The following GADL1 variants were observed in gnomAD, a reference collection of about 807,000 sequenced individuals.
GADL1 encodes the protein GAD like acidic amino acid decarboxylase 1, also known as acidic amino acid decarboxylase GADL1.
GADL1 carries 71 observed loss-of-function variants against 69.5 expected under a neutral mutation model. The ratio of observed to expected loss-of-function variants is 1.02; its 90% confidence interval spans 0.84 to 1.25. The LOEUF is 1.25. Among genes scored for constraint, GADL1 ranks in the 50% most tolerant of loss-of-function variants. GADL1 has a pLI of 0.00. For synonymous variants in GADL1, 254 were observed against 214.4 expected, an observed-to-expected ratio of 1.18 and a Z score of -1.62; for missense variants, 737 against 631.8, an observed-to-expected ratio of 1.17 and a Z score of -1.79.
chr3:30,780,155 T>G (rs1246672664), intron 13 of GADL1, among the ~76,000 whole-genome samples: 1 of 152,220 alleles, frequency 6.6e-6, no homozygotes, highest in Non-Finnish European at 1.5e-5. Context: ...AGATGCCAGC[T>G]AGGCACCTTG....
At chr3:30,760,269 A>AT (rs375215054) in intron 14 of GADL1, among the ~76,000 whole-genome samples, 19 of 152,284 alleles carry the variant, frequency 1.2e-4, no homozygotes, top group African/African-American at 4.3e-4. Flanking sequence ...CATATTACTC[A>AT]TACCCCAGTT....
intron 1 of GADL1, among the ~76,000 whole-genome samples, chr3:30,889,695 T>C (rs948387363): frequency 2.6e-5 from 4 of 152,172 alleles, no homozygotes; most frequent in African/African-American, 9.7e-5. Context: ...AATTTTGGAA[T>C]GCTGAGAGGT....
intron 14 of GADL1, among the ~76,000 whole-genome samples, chr3:30,753,266 T>C (rs1302940313): frequency 6.6e-6 from 1 of 152,178 alleles, no homozygotes; most frequent in African/African-American, 2.4e-5. Context: ...TTACATGATC[T>C]ATACACAATA....
intron 1 of GADL1, among the ~76,000 whole-genome samples, chr3:30,887,767 AAAAG>A (rs1698729153): frequency 6.6e-6 from 1 of 152,322 alleles, no homozygotes; most frequent in African/African-American, 2.4e-5. Context: ...TTAAGAATAG[AAAAG>A]AAAGAGAGAA....
chr3:30,786,504 TA>T (rs1559499567), intron 12 of GADL1, 98 bp from the exon 13 acceptor site: 2 of 706,600 alleles, frequency 2.8e-6, no homozygotes, highest in Non-Finnish European at 5.1e-6. Flanking sequence ...GGCTTGGAGA[TA>T]AGAAAGATAC....
intron 3 of GADL1, 60 bp from the exon 4 acceptor site, chr3:30,854,849 A>G (rs1698203463): frequency 3.7e-6 from 3 of 803,238 alleles, no homozygotes; most frequent in Middle Eastern, 4.6e-4. Context: ...CTACTGATAC[A>G]GCATTAACAT....
chr3:30,756,947 G>A (rs1327217899), intron 14 of GADL1, among the ~76,000 whole-genome samples: 1 of 152,144 alleles, frequency 6.6e-6, no homozygotes, highest in African/African-American at 2.4e-5. Context: ...AGAGTCCATG[G>A]GGGGGACATG....
chr3:30,746,288 C>T (rs907012230), intron 14 of GADL1, among the ~76,000 whole-genome samples: 2 of 152,164 alleles, frequency 1.3e-5, no homozygotes, highest in Non-Finnish European at 2.9e-5. Flanking sequence ...CCACTGCACC[C>T]AGCCTCCATT....
chr3:30,768,328 TTA>T (rs1428455297), intron 14 of GADL1, among the ~76,000 whole-genome samples: 6 of 152,062 alleles, frequency 3.9e-5, no homozygotes, highest in African/African-American at 1.2e-4. Flanking sequence ...GTTTTATAAA[TTA>T]TGAGAAGGGA....
intron 14 of GADL1, among the ~76,000 whole-genome samples, chr3:30,773,118 C>T (rs1696454379): frequency 6.6e-6 from 1 of 151,954 alleles, no homozygotes; most frequent in Non-Finnish European, 1.5e-5. Context: ...TAATCATGAT[C>T]CTTAGAGTGG....
At chr3:30,813,787 C>G (rs542058374) in intron 11 of GADL1, among the ~76,000 whole-genome samples, 1 of 152,230 alleles carries the variant, frequency 6.6e-6, no homozygotes, top group Non-Finnish European at 1.5e-5. Flanking sequence ...TTACTATAAT[C>G]ATGAGCAGTC....
At chr3:30,761,774 T>C (rs188782599) in intron 14 of GADL1, among the ~76,000 whole-genome samples, 92 of 152,296 alleles carry the variant, frequency 6.0e-4, no homozygotes, top group Non-Finnish European at 1.1e-3. Context: ...TTTTTCTACC[T>C]TATCACTAGA....
At position 30,871,042 on chromosome 3, in the gene GADL1, AGTGT is replaced by A. The variant is rs4016178; in HGVS notation, c.38-9281_38-9278del. 8.7e-3 allele frequency among the ~76,000 whole-genome samples: 1,234 copies of A among 141,450 alleles called. 13 individuals carry two copies. Among genetic ancestry groups the A allele is most frequent in the African/African-American group, 0.012 (441 of 37,900 alleles). 92.8% of individuals were successfully genotyped at this position (141,450 alleles called of 152,430 possible). A position where few individuals can be genotyped will look rare whatever the true frequency, so the allele number is the denominator to read the frequency against. The stretch of plus-strand genomic sequence containing the variant: ...AAAGCAACATGGACTAAGGCAGAAA[AGTGT>A]GTGTGTGTGTGTGTGTGTGTGTGTG... On this transcript the variant is annotated intron_variant, in intron 1 of 14. Transcript: ENST00000282538.
At chr3:30,852,417 C>T (rs1698161946) in intron 4 of GADL1, among the ~76,000 whole-genome samples, 2 of 152,176 alleles carry the variant, frequency 1.3e-5, no homozygotes, top group East Asian at 1.9e-4. Flanking sequence ...GAGACTGAGG[C>T]AGAGAATTAC....
chr3:30,877,702 A>G (rs1169746302), intron 1 of GADL1, among the ~76,000 whole-genome samples: 1 of 151,938 alleles, frequency 6.6e-6, no homozygotes, highest in African/African-American at 2.4e-5. Flanking sequence ...GAGTGCTGAA[A>G]TGGGAATAGT....
chr3:30,874,317 T>C (rs1698547030), intron 1 of GADL1, among the ~76,000 whole-genome samples: 1 of 151,974 alleles, frequency 6.6e-6, no homozygotes, highest in Admixed American at 6.6e-5. Flanking sequence ...CCCTGAGGAA[T>C]GCCCACACAT....
At chr3:30,812,761 C>A (rs1023689715) in intron 11 of GADL1, among the ~76,000 whole-genome samples, 1 of 152,162 alleles carries the variant, frequency 6.6e-6, no homozygotes, top group Non-Finnish European at 1.5e-5. Flanking sequence ...GATCCTTCCT[C>A]TTCTCATATT....
intron 1 of GADL1, among the ~76,000 whole-genome samples, chr3:30,887,554 C>A (rs72852608): frequency 6.6e-6 from 1 of 152,046 alleles, no homozygotes; most frequent in Non-Finnish European, 1.5e-5. Context: ...ACTAGATGCA[C>A]CCACTTGACC....
intron 1 of GADL1, among the ~76,000 whole-genome samples, chr3:30,873,196 T>G (rs989317610): frequency 1.3e-5 from 2 of 151,938 alleles, no homozygotes; most frequent in African/African-American, 4.8e-5. Context: ...AAAATATAAT[T>G]GCACTTATAA....
Sources: gnomAD v4.1 joint callset for allele counts (sites outside exome capture counted in the v4.1 genomes callset) on GRCh38, gnomAD v4.1.1 for gene constraint, MANE v1.5 for transcripts, NCBI Gene and HGNC (gene_info 2026-07-23, HGNC 2026-07-21) for gene names.